SHLD1: variants seen among roughly 807,000 people sequenced by gnomAD.
SHLD1 encodes RINN1-REV7-interacting novel NHEJ regulator 3.
Under a neutral mutation model 5.5 loss-of-function variants are expected in SHLD1, and 3 were observed. The observed-to-expected ratio is 0.54, with a 90% CI of 0.25 to 1.40. The LOEUF (loss-of-function observed/expected upper bound fraction) is 1.40. Ranked by LOEUF, SHLD1 falls within the 40% of genes most tolerant of loss-of-function variation. The pLI, the probability that SHLD1 is intolerant of heterozygous loss-of-function variation, is 0.15. For synonymous variants in SHLD1, 92 were observed against 94.3 expected, an observed-to-expected ratio of 0.98 and a Z score of 0.14; for missense variants, 210 against 244.4, an observed-to-expected ratio of 0.86 and a Z score of 0.94.
At chr20:5,809,784 G>T (rs1046096438) in intron 2 of SHLD1, among the ~76,000 whole-genome samples, 1 of 152,020 alleles carries the variant, frequency 6.6e-6, no homozygotes, top group East Asian at 1.9e-4. Context: ...AGAGGCCAGG[G>T]ATGCTTCTAA....
At chr20:5,790,001 A>C (rs1371430934) in intron 2 of SHLD1, among the ~76,000 whole-genome samples, 2 of 152,204 alleles carry the variant, frequency 1.3e-5, no homozygotes, top group Non-Finnish European at 2.9e-5. Context: ...TCACCTTCAG[A>C]GGGCCTGGGA....
chr20:5,848,470 G>C (rs1194442575), intron 2 of SHLD1, among the ~76,000 whole-genome samples: 1 of 152,222 alleles, frequency 6.6e-6, no homozygotes, highest in Non-Finnish European at 1.5e-5. Flanking sequence ...AATGAGCCAA[G>C]ATTAATTTTT....
chr20:5,859,992 C>T (rs76870239), intron 2 of SHLD1, among the ~76,000 whole-genome samples: 3,456 of 152,258 alleles, frequency 0.023, 156 homozygotes, highest in African/African-American at 0.079. Flanking sequence ...TGTTGCTTGG[C>T]GTTTTCTATT....
chr20:5,813,945 C>T (rs796238881), intron 2 of SHLD1, among the ~76,000 whole-genome samples: 13 of 79,994 alleles, frequency 1.6e-4, no homozygotes, highest in Middle Eastern at 0.01. Flanking sequence ...CCTTTTCTTT[C>T]TTTTTTTTTT....
intron 2 of SHLD1, among the ~76,000 whole-genome samples, chr20:5,829,192 T>A (rs2087700135): frequency 6.6e-6 from 1 of 152,200 alleles, no homozygotes; most frequent in Non-Finnish European, 1.5e-5. Context: ...TATTATTAAT[T>A]AATGAGTTCA....
At chr20:5,842,817 T>C (rs2087881365) in intron 2 of SHLD1, among the ~76,000 whole-genome samples, 2 of 152,346 alleles carry the variant, frequency 1.3e-5, no homozygotes, top group South Asian at 4.1e-4. Context: ...ATATTTTTTC[T>C]TTTTCTGTAA....
rs547756740 is a variant in SHLD1 at position 5,854,395 on chromosome 20, G to A, written c.179-8629G>A. On this transcript the variant is annotated intron_variant, in intron 2 of 2. Coordinates refer to ENST00000303142, the MANE Select transcript of SHLD1 (RefSeq NM_152504.4). The stretch of plus-strand genomic sequence containing the variant: ...ACTCCTGAACTCACGTGATTTGTCC[G>A]CGTTGGCCTCCCAAAGTTCTGGGAT... Among the ~76,000 whole-genome samples, 126 of 152,196 alleles carry A rather than the reference G, an allele frequency of 8.3e-4. 1 individual carries two copies. The South Asian group carries it at 0.022, about 27-fold the overall frequency.
intron 2 of SHLD1, among the ~76,000 whole-genome samples, chr20:5,777,123 G>C (rs547222276): frequency 7.9e-5 from 12 of 152,026 alleles, no homozygotes; most frequent in African/African-American, 2.9e-4. Flanking sequence ...TGAGTAGCTG[G>C]GATTACAGGC....
intron 2 of SHLD1, among the ~76,000 whole-genome samples, chr20:5,780,996 G>T (rs1457158659): frequency 6.6e-6 from 1 of 152,166 alleles, no homozygotes; most frequent in African/African-American, 2.4e-5. Context: ...ATAAGAATCT[G>T]AGAGTGTTAG....
chr20:5,772,666 C>T (rs1418932070), intron 1 of SHLD1, among the ~76,000 whole-genome samples, 196 bp from the exon 2 acceptor site: 1 of 152,074 alleles, frequency 6.6e-6, no homozygotes, highest in Non-Finnish European at 1.5e-5. Context: ...AATCCCATCA[C>T]TTTGGGAGGC....
chr20:5,821,965 C>A (rs960425418), intron 2 of SHLD1, among the ~76,000 whole-genome samples: 3 of 152,048 alleles, frequency 2.0e-5, no homozygotes, highest in Non-Finnish European at 4.4e-5. Context: ...GTCATACAGA[C>A]CAACCCTGGG....
At chr20:5,851,278 G>C (rs2088005256) in intron 2 of SHLD1, among the ~76,000 whole-genome samples, 2 of 152,152 alleles carry the variant, frequency 1.3e-5, no homozygotes, top group African/African-American at 4.8e-5. Flanking sequence ...TTAAGCCCAG[G>C]AGTTTGAGAC....
chr20:5,804,357 A>ATATATACAGT (rs1180839465), intron 2 of SHLD1, among the ~76,000 whole-genome samples: 1 of 151,260 alleles, frequency 6.6e-6, no homozygotes, highest in Non-Finnish European at 1.5e-5. Flanking sequence ...AAAACTATAT[A>ATATATACAGT]TATATATACA....
At chr20:5,802,885 T>G (rs1419044182) in intron 2 of SHLD1, among the ~76,000 whole-genome samples, 2 of 152,166 alleles carry the variant, frequency 1.3e-5, no homozygotes, top group Non-Finnish European at 2.9e-5. Context: ...CCCGGCCTCT[T>G]GAGCTTTCTT....
intron 1 of SHLD1, among the ~76,000 whole-genome samples, chr20:5,753,342 G>A (rs942264338): frequency 3.3e-5 from 5 of 152,108 alleles, no homozygotes; most frequent in East Asian, 3.9e-4. Flanking sequence ...GGGTCTTGCC[G>A]TGTGGCCCAG....
At chr20:5,754,102 C>T (rs1402192451) in intron 1 of SHLD1, among the ~76,000 whole-genome samples, 1 of 151,980 alleles carries the variant, frequency 6.6e-6, no homozygotes, top group East Asian at 1.9e-4. Flanking sequence ...TCTGTTTTGT[C>T]AGTCATATGA....
intron 2 of SHLD1, among the ~76,000 whole-genome samples, chr20:5,841,882 G>A (rs1028088466): frequency 6.6e-6 from 1 of 152,246 alleles, no homozygotes; most frequent in African/African-American, 2.4e-5. Flanking sequence ...GTGCAATGCA[G>A]AGGCTATTAG....
chr20:5,861,972 G>A (rs144072227), intron 2 of SHLD1, among the ~76,000 whole-genome samples: 66 of 152,270 alleles, frequency 4.3e-4, no homozygotes, highest in Admixed American at 2.5e-3. Flanking sequence ...GTAGACAGCC[G>A]CCTTCTCACT....
intron 2 of SHLD1, among the ~76,000 whole-genome samples, chr20:5,797,935 T>G (rs1191371679): frequency 6.6e-6 from 1 of 152,164 alleles, no homozygotes; most frequent in Non-Finnish European, 1.5e-5. Context: ...GAGGCCTTGT[T>G]TTGGTTATCT....
Sources: allele counts gnomAD v4.1 joint callset (sites outside exome capture counted in the v4.1 genomes callset), GRCh38; gene constraint gnomAD v4.1.1; transcripts MANE v1.5; gene names NCBI Gene and HGNC (gene_info 2026-07-23, HGNC 2026-07-21).